NLRP12: variants seen among roughly 807,000 people sequenced by gnomAD.
NLRP12 encodes the protein NACHT, LRR and PYD domains-containing protein 12.
In NLRP12, 108 loss-of-function variants were observed where a neutral mutation model predicts 91.2. That is an observed-to-expected ratio of 1.18 (90% CI 1.01 to 1.39). The LOEUF (loss-of-function observed/expected upper bound fraction) is 1.39. NLRP12 is among the 40% of genes most tolerant of loss of function. The pLI, the probability that NLRP12 is intolerant of heterozygous loss-of-function variation, is 0.00. For missense variants in NLRP12, 1,530 were observed against 1,352.7 expected (o/e 1.13, Z -2.06); for synonymous variants, 613 against 566.7 (o/e 1.08, Z -1.16).
At chr19:53,820,358 C>G (rs924684899) in intron 1 of NLRP12, among the ~76,000 whole-genome samples, 4 of 151,932 alleles carry the variant, frequency 2.6e-5, no homozygotes, top group Non-Finnish European at 4.4e-5. Context: ...GGTGAAACCC[C>G]GTCTCTACTA....
At chr19:53,815,192 A>G (rs1224883684) in intron 1 of NLRP12, among the ~76,000 whole-genome samples, 2 of 144,254 alleles carry the variant, frequency 1.4e-5, no homozygotes, top group African/African-American at 2.6e-5. Context: ...GGTCCCCCTC[A>G]TGGTCATTGG....
intron 7 of NLRP12, among the ~76,000 whole-genome samples, chr19:53,799,730 A>C (rs1334532207): frequency 6.6e-6 from 1 of 150,740 alleles, no homozygotes; most frequent in Admixed American, 6.6e-5. Context: ...TCATTCTCCC[A>C]CCTTGGCCTC....
chr19:53,811,233 G>A lies in NLRP12; in HGVS notation c.426C>T (p.Asp142=). The change falls in exon 3 of 10, where the codon GAC becomes GAT. Residue 142 remains aspartate, a synonymous_variant. Coordinates refer to ENST00000324134, the MANE Select transcript of NLRP12 (RefSeq NM_144687.4). ...CACATTCCCCTAGGCGCGCATTGCG[G>A]TCTTCCATGAGCCGGAATTTCCTGC... ...YVRRKFRLME[D]RNARLGECVN... 2 of 1,614,106 alleles carry A rather than the reference G, an allele frequency of 1.2e-6. No individual in the cohort carries two copies. The highest frequency in any genetic ancestry group is 1.7e-6 in the Non-Finnish European group (2 of 1,180,032).
In NLRP12 at chr19:53,811,303, T is replaced by G; in HGVS notation, c.371-15A>C. On this transcript the variant is annotated splice_polypyrimidine_tract_variant and intron_variant, in intron 2 of 9. Transcript: ENST00000324134. ...TTCCTGGGGATCTAGGGGAGAGGAA[T>G]GAAGGTTTTGTGGAAGACTCATCAG... 6.2e-7 allele frequency: 1 copy of G among 1,613,322 alleles called. No individual in the cohort carries two copies. Among genetic ancestry groups the G allele is most frequent in the Non-Finnish European group, 8.5e-7 (1 of 1,179,976 alleles).
At position 53,809,845 on chromosome 19, in the gene NLRP12, G is replaced by A. The variant is rs997344815; in HGVS notation, c.1814C>T (p.Thr605Ile). 1 of 1,614,138 alleles carries A rather than the reference G, an allele frequency of 6.2e-7. No homozygotes were observed. The highest frequency in any genetic ancestry group is 1.3e-5 in the African/African-American group (1 of 75,054). Residue 605 changes from threonine to isoleucine, a missense_variant, in exon 3 of 10, where the codon ACC becomes ATC. Coordinates refer to ENST00000324134, the MANE Select transcript of NLRP12 (RefSeq NM_144687.4). ...IQSKAQSDGS[T>I]LQQGSLEFFS... ...GAACTCCAAGGAGCCCTGCTGCAGG[G>A]TGGAGCCGTCGCTCTGAGCTTTGCT...
intron 8 of NLRP12, among the ~76,000 whole-genome samples, chr19:53,796,783 G>C (rs2091770728): frequency 6.6e-6 from 1 of 151,912 alleles, no homozygotes; most frequent in African/African-American, 2.4e-5. Flanking sequence ...GATCACCTGA[G>C]GTCGGGAGTT....
At position 53,807,617 on chromosome 19, in the gene NLRP12, C is replaced by T. The variant is rs375229272; in HGVS notation, c.2121G>A (p.Ala707=). The T allele has an allele frequency of 2.1e-5, 34 of 1,614,028 alleles. No individual in the cohort carries two copies. Among genetic ancestry groups the T allele is most frequent in the South Asian group, 1.9e-4 (17 of 91,094 alleles). Residue 707 remains alanine, a synonymous_variant, in exon 4 of 10, where the codon GCG becomes GCA. Transcript: ENST00000324134. ...TCAGGTTTGGATTGGTGCACAGGGC[C>T]GCTGCCAGATGTTCACTGTAGGCGT... ...LLDAYSEHLA[A]ALCTNPNLIE...
Position 53,798,335 on chromosome 19 carries a change from CTCCCGGAGG to C in NLRP12, c.2826_2834del (p.Asn942_Glu945delinsLys). ...CCAGGTCGTTGAAACTCAAGTCCAG[CTCCCGGAGG>C]TTGTGGTTGGCCTGGAGCACCACAG... On this transcript the variant is annotated inframe_deletion, in exon 8 of 10. Transcript: ENST00000324134. 1 of 1,614,156 alleles carries C rather than the reference CTCCCGGAGG, an allele frequency of 6.2e-7. No individual in the cohort carries two copies. The highest frequency in any genetic ancestry group is 2.2e-5 in the East Asian group (1 of 44,870).
intron 6 of NLRP12, chr19:53,803,751 T>G: frequency 3.4e-6 from 2 of 580,118 alleles, no homozygotes; most frequent in Non-Finnish European, 6.4e-6. Context: ...TTTTTGTATC[T>G]TTAGTAGAGA....
chr19:53,812,909 G>A (rs2092099254), intron 2 of NLRP12, among the ~76,000 whole-genome samples: 1 of 136,456 alleles, frequency 7.3e-6, no homozygotes, highest in African/African-American at 2.7e-5. Flanking sequence ...GAGACAGAGT[G>A]TTGCTCTGTC....
At chr19:53,807,784 C>G in intron 3 of NLRP12, 119 bp from the exon 4 acceptor site, 1 of 1,225,976 alleles carries the variant, frequency 8.2e-7, no homozygotes. Context: ...GAGTTTCGCT[C>G]TTGTTGCCCA....
rs374820401 is a variant in NLRP12 at position 53,794,040 on chromosome 19, T to C, written c.*9A>G. 6.2e-7 allele frequency: 1 copy of C among 1,602,262 alleles called. No homozygotes were observed. On this transcript the variant is annotated 3_prime_UTR_variant, in exon 10 of 10. Transcript: ENST00000324134. Reference sequence around the variant, plus strand: ...CAGATCTCAGGGGAGAGCCAGCAGATAGGACCATTCAGCAGCCAATGTCCA... The same window carrying C: ...CAGATCTCAGGGGAGAGCCAGCAGACAGGACCATTCAGCAGCCAATGTCCA...
intron 4 of NLRP12, 129 bp from the exon 5 acceptor site, chr19:53,805,579 A>T (rs1226949648): frequency 8.4e-6 from 9 of 1,073,840 alleles, no homozygotes; most frequent in Non-Finnish European, 9.4e-6. Flanking sequence ...GAGCAGTGGC[A>T]TGATTTTGGC....
At position 53,798,316 on chromosome 19, in the gene NLRP12, C is replaced by G; in HGVS notation, c.2854G>C (p.Asp952His). Residue 952 changes from aspartate to histidine, a missense_variant, in exon 8 of 10, where the codon GAC becomes CAC. By Grantham distance (81) the Asp-to-His change is moderately conservative. Transcript: ENST00000324134. Reference sequence around the variant, plus strand: ...AACCACAGGCCCCAGTCTCCCAGGTCGTTGAAACTCAAGTCCAGCTCCCGG... The same window carrying G: ...AACCACAGGCCCCAGTCTCCCAGGTGGTTGAAACTCAAGTCCAGCTCCCGG... ...NLRELDLSFN[D>H]LGDWGLWLLA... 6.2e-7 allele frequency: 1 copy of G among 1,614,146 alleles called. No homozygotes were observed. The highest frequency in any genetic ancestry group is 8.5e-7 in the Non-Finnish European group (1 of 1,180,018).
At chr19:53,800,977 G>A (rs1022083826) in intron 7 of NLRP12, among the ~76,000 whole-genome samples, 2 of 151,848 alleles carry the variant, frequency 1.3e-5, no homozygotes, top group African/African-American at 4.8e-5. Context: ...GGCAGATCAT[G>A]AGGTCAGTAG....
chr19:53,803,730 C>T (rs751731395), intron 6 of NLRP12: 1 of 524,942 alleles, frequency 1.9e-6, no homozygotes, highest in Non-Finnish European at 3.6e-6. Flanking sequence ...TGTGCCACCA[C>T]ATCCAGCTAA....
At chr19:53,804,715 C>T (rs1427741442) in intron 5 of NLRP12, among the ~76,000 whole-genome samples, 1 of 149,676 alleles carries the variant, frequency 6.7e-6, no homozygotes, top group Non-Finnish European at 1.5e-5. Context: ...CTGGCCCATA[C>T]CTGGCTAATT....
intron 6 of NLRP12, 140 bp downstream of exon 6, chr19:53,803,812 G>C: frequency 1.3e-6 from 1 of 784,210 alleles, no homozygotes. Context: ...GACCTCAGAT[G>C]ATCTGCCCTC....
chr19:53,798,776 T>C (rs570685109), intron 7 of NLRP12, among the ~76,000 whole-genome samples: 10 of 152,180 alleles, frequency 6.6e-5, no homozygotes, highest in African/African-American at 2.4e-4. Flanking sequence ...CGTTTCCCTC[T>C]TGTTGTCCAG....
Sources: allele counts gnomAD v4.1 joint callset (sites outside exome capture counted in the v4.1 genomes callset), GRCh38; gene constraint gnomAD v4.1.1; transcripts MANE v1.5; gene names NCBI Gene and HGNC (gene_info 2026-07-23, HGNC 2026-07-21).